AIG1: variants seen among roughly 807,000 people sequenced by gnomAD.
AIG1 encodes androgen induced 1.
AIG1 carries 23 observed loss-of-function variants against 31.4 expected under a neutral mutation model. The ratio of observed to expected loss-of-function variants is 0.73; its 90% CI spans 0.53 to 1.04. AIG1 has a LOEUF of 1.04. Among genes scored for constraint, AIG1 ranks in the 50% least tolerant of loss-of-function variants. AIG1 has a pLI of 0.00. For missense variants in AIG1, 274 were observed against 295.0 expected (o/e 0.93, Z 0.52); for synonymous variants, 100 against 110.5 (o/e 0.90, Z 0.60).
At chr6:143,121,301 T>C (rs1250806962) in intron 1 of AIG1, among the ~76,000 whole-genome samples, 1 of 152,236 alleles carries the variant, frequency 6.6e-6, no homozygotes, top group Non-Finnish European at 1.5e-5. Context: ...GCCCAGTATG[T>C]CTTCAAGTAT....
At chr6:143,155,800 G>A (rs775395787) in intron 2 of AIG1, among the ~76,000 whole-genome samples, 1 of 152,212 alleles carries the variant, frequency 6.6e-6, no homozygotes, top group East Asian at 1.9e-4. Flanking sequence ...GAAACTGGAA[G>A]GGGACTGGGA....
At chr6:143,155,325 C>A (rs567409261) in intron 2 of AIG1, among the ~76,000 whole-genome samples, 1 of 152,176 alleles carries the variant, frequency 6.6e-6, no homozygotes, top group African/African-American at 2.4e-5. Context: ...ATGTAATGTG[C>A]TATGACAGCA....
At chr6:143,099,597 T>C (rs1481127785) in intron 1 of AIG1, 1 of 152,178 alleles carries the variant, frequency 6.6e-6, no homozygotes, top group Non-Finnish European at 1.5e-5. Flanking sequence ...TTTTTAGTAG[T>C]ATATACTCCT....
At chr6:143,130,145 AGT>A (rs1010153287) in intron 1 of AIG1, among the ~76,000 whole-genome samples, 3 of 151,794 alleles carry the variant, frequency 2.0e-5, no homozygotes, top group African/African-American at 7.3e-5. Context: ...TGGCCAGGAT[AGT>A]CTTGATCTCT....
intron 3 of AIG1, among the ~76,000 whole-genome samples, chr6:143,199,518 G>A (rs1214473950): frequency 6.6e-6 from 1 of 152,104 alleles, no homozygotes; most frequent in African/African-American, 2.4e-5. Context: ...CTTGTTCCAA[G>A]AAACAAAAAT....
intron 3 of AIG1, among the ~76,000 whole-genome samples, chr6:143,274,468 T>A (rs1378059783): frequency 6.6e-6 from 1 of 152,208 alleles, no homozygotes; most frequent in East Asian, 1.9e-4. Flanking sequence ...AATAAATAGA[T>A]CTCATAGAAT....
intron 2 of AIG1, among the ~76,000 whole-genome samples, chr6:143,138,411 T>C (rs561942518): frequency 7.7e-4 from 117 of 152,318 alleles, no homozygotes; most frequent in African/African-American, 2.7e-3. Context: ...AAAAGAATTA[T>C]CTAGAAAATC....
At chr6:143,098,881 G>A (rs1481130814) in intron 1 of AIG1, among the ~76,000 whole-genome samples, 1 of 152,102 alleles carries the variant, frequency 6.6e-6, no homozygotes, top group African/African-American at 2.4e-5. Context: ...TAAACCGTTT[G>A]GTAGCTGTAT....
chr6:143,083,529 G>A (rs1227738652), intron 1 of AIG1, among the ~76,000 whole-genome samples: 1 of 152,144 alleles, frequency 6.6e-6, no homozygotes, highest in Non-Finnish European at 1.5e-5. Context: ...GGAGTATAAG[G>A]GTTAGGTACA....
intron 4 of AIG1, among the ~76,000 whole-genome samples, chr6:143,319,076 A>G (rs1775992851): frequency 6.6e-6 from 1 of 152,226 alleles, no homozygotes; most frequent in African/African-American, 2.4e-5. Flanking sequence ...GAGATTCTTT[A>G]AAGAACTAAA....
chr6:143,189,217 A>T (rs1247404472), intron 3 of AIG1: 5 of 435,178 alleles, frequency 1.1e-5, no homozygotes, highest in Non-Finnish European at 9.2e-6. Context: ...CTACTTTTTT[A>T]AAAATTTTTT....
intron 3 of AIG1, among the ~76,000 whole-genome samples, chr6:143,172,360 C>A (rs1787719493): frequency 6.6e-6 from 1 of 152,156 alleles, no homozygotes; most frequent in African/African-American, 2.4e-5. Flanking sequence ...TCACATGGTG[C>A]ATCACATTTA....
At chr6:143,185,384 C>T (rs929596347) in intron 3 of AIG1, among the ~76,000 whole-genome samples, 3 of 152,072 alleles carry the variant, frequency 2.0e-5, no homozygotes, top group African/African-American at 4.8e-5. Context: ...CCTCCCTGCC[C>T]CCTTTAAGCT....
intron 3 of AIG1, among the ~76,000 whole-genome samples, chr6:143,233,089 A>G (rs1364834062): frequency 6.6e-6 from 1 of 152,026 alleles, no homozygotes; most frequent in Non-Finnish European, 1.5e-5. Flanking sequence ...GTTGATATCC[A>G]TGAGTCTCAC....
chr6:143,161,687 T>C (rs183684355), intron 2 of AIG1, among the ~76,000 whole-genome samples: 148 of 152,136 alleles, frequency 9.7e-4, no homozygotes, highest in African/African-American at 3.4e-3. Context: ...GAAAACTGTA[T>C]GATTGTCTCA....
Position 143,298,164 on chromosome 6 carries a change from C to T in AIG1, c.515+13939C>T, listed in dbSNP as rs1406434859. ...CTGGAAGACTGCAACAAAGAAGTGA[C>T]AATTCATTCATAAATTCTTGCCAGC... On this transcript the variant is annotated intron_variant, in intron 4 of 5. Coordinates refer to ENST00000357847, the MANE Select transcript of AIG1 (RefSeq NM_016108.4). The surrounding 1 kb of genome is among the most constrained non-coding windows in gnomAD (Gnocchi z 5.1). 1.2e-4 allele frequency among the ~76,000 whole-genome samples: 19 copies of T among 152,096 alleles called. No homozygotes were observed.
At chr6:143,140,237 G>A (rs1403765726) in intron 2 of AIG1, among the ~76,000 whole-genome samples, 1 of 152,088 alleles carries the variant, frequency 6.6e-6, no homozygotes, top group African/African-American at 2.4e-5. Context: ...CTCCCACTGG[G>A]TCCCTCCCAC....
intron 1 of AIG1, among the ~76,000 whole-genome samples, chr6:143,109,662 G>A (rs1222967083): frequency 1.3e-5 from 2 of 151,806 alleles, no homozygotes; most frequent in Non-Finnish European, 2.9e-5. Flanking sequence ...TTCCTTACCT[G>A]CCATTTGAAA....
At chr6:143,175,418 CCTT>C (rs1449048002) in intron 3 of AIG1, among the ~76,000 whole-genome samples, 3 of 152,170 alleles carry the variant, frequency 2.0e-5, no homozygotes, top group Non-Finnish European at 2.9e-5. Flanking sequence ...TTTGGATTTC[CCTT>C]CTTCTTCAGG....
Sources: gnomAD v4.1 joint callset for allele counts (sites outside exome capture counted in the v4.1 genomes callset) on GRCh38, gnomAD v4.1.1 for gene constraint, Gnocchi (gnomAD v3.1) non-coding constraint, MANE v1.5 for transcripts, NCBI Gene and HGNC (gene_info 2026-07-23, HGNC 2026-07-21) for gene names.